LMAN1L: variants seen among roughly 807,000 people sequenced by gnomAD.
LMAN1L encodes protein ERGIC-53-like.
In LMAN1L, 60 loss-of-function variants were observed where a neutral mutation model predicts 58.3. The observed-to-expected ratio is 1.03, with a 90% CI of 0.84 to 1.27. The LOEUF is 1.27. Ranked by LOEUF, LMAN1L falls within the 50% of genes most tolerant of loss-of-function variation. The pLI is 0.00. For synonymous variants in LMAN1L, 280 were observed against 271.6 expected (o/e 1.03, Z -0.31); for missense variants, 629 against 674.0 (o/e 0.93, Z 0.74).
chr15:74,816,291 C>T lies in LMAN1L; in HGVS notation c.310C>T (p.Arg104Cys), dbSNP rs1400291704. ...EVQMRVTGLG[R>C]RGAQGMAVWY... ...GCAGATGAGGGTGACGGGACTGGGGCGCCGGGGAGCCCAGGGCATGGTGAG... is the reference window on the plus strand; with the variant it reads ...GCAGATGAGGGTGACGGGACTGGGGTGCCGGGGAGCCCAGGGCATGGTGAG... Residue 104 changes from arginine (R) to cysteine (C), a missense_variant, in exon 2 of 14, where the codon CGC (arginine) becomes TGC (cysteine). Physicochemically the swap from Arg to Cys is radical, Grantham distance 180 (BLOSUM62 -3). This residue lies in a region of LMAN1L where 573 missense variants were observed against 597.3 expected (regional missense o/e 0.96). Coordinates refer to ENST00000309664, the MANE Select transcript of LMAN1L (RefSeq NM_021819.3). 3 of 1,612,146 alleles carry T rather than the reference C, an allele frequency of 1.9e-6. No individual in the cohort carries two copies. The highest frequency in any genetic ancestry group is 1.7e-6 in the Non-Finnish European group (2 of 1,179,708).
Position 74,816,169 on chromosome 15 carries a change from G to C in LMAN1L, c.188G>C (p.Gly63Ala), listed in dbSNP as rs763983603. 9 of 1,550,420 alleles carry C rather than the reference G, an allele frequency of 5.8e-6. No individual in the cohort carries two copies. The highest frequency in any genetic ancestry group is 7.8e-6 in the Non-Finnish European group (9 of 1,147,780). ...CCCTTGTCCACAGACGCCATCCTGG[G>C]CCTGGAGGAAGTGCGGCTGACGCCA... ...FWSHHGDAILGLEEVRLTPSM... is the reference protein window; with the variant it reads ...FWSHHGDAILALEEVRLTPSM... Residue 63 changes from glycine to alanine, a missense_variant, in exon 2 of 14, where the codon GGC (glycine) becomes GCC (alanine). Physicochemically the swap from Gly to Ala is moderately conservative, Grantham distance 60 (BLOSUM62 0). This residue lies in a region of LMAN1L where 573 missense variants were observed against 597.3 expected (regional missense o/e 0.96). Transcript: ENST00000309664.
intron 8 of LMAN1L, 108 bp from the exon 9 acceptor site, chr15:74,820,967 C>A: frequency 7.3e-7 from 1 of 1,373,680 alleles, no homozygotes; most frequent in Non-Finnish European, 9.8e-7. Flanking sequence ...TTGGAGGCAG[C>A]AGCCACACCT....
intron 1 of LMAN1L, among the ~76,000 whole-genome samples, chr15:74,814,442 C>T (rs1596377425): frequency 7.0e-6 from 1 of 143,828 alleles, no homozygotes; most frequent in Non-Finnish European, 1.5e-5. Flanking sequence ...GGCGTGATCT[C>T]GGCTCACTGC....
At chr15:74,820,398 G>C (rs1242986613) in intron 7 of LMAN1L, 1 of 633,628 alleles carries the variant, frequency 1.6e-6, no homozygotes, top group Non-Finnish European at 2.8e-6. Context: ...GTCAAGGAAG[G>C]CTGCCTGGAG....
At chr15:74,825,257 T>C (rs2063936046) in intron 13 of LMAN1L, 1 of 502,864 alleles carries the variant, frequency 2.0e-6, no homozygotes. Context: ...TGCACAGGAG[T>C]GCAGTGGTGG....
At chr15:74,824,308 T>G in intron 12 of LMAN1L, 43 bp from the exon 13 acceptor site, 1 of 1,595,780 alleles carries the variant, frequency 6.3e-7, no homozygotes, top group Non-Finnish European at 8.6e-7. Flanking sequence ...CCACTCCTTC[T>G]GGGTAAGAAG....
rs2063906254 is a variant in LMAN1L at position 74,819,241 on chromosome 15, T to TG, written c.691dup (p.Val231GlyfsTer11). The TG allele has an allele frequency of 1.2e-6, 2 of 1,614,168 alleles. No individual in the cohort carries two copies. The highest frequency in any genetic ancestry group is 2.2e-5 in the East Asian group (1 of 44,882). On this transcript the variant is annotated frameshift_variant, in exon 6 of 14. Transcript: ENST00000309664. LOFTEE classifies it high-confidence loss of function. ...TGCTTTTGGTCCCTGGAGGTTTCTT[T>TG]GGGGTCTCAGCAGCCACCGGCACCC...
In LMAN1L at chr15:74,816,122, G is replaced by GA. The variant is rs775333784; in HGVS notation, c.176-35_176-34insA. The GA allele has an allele frequency of 2.0e-6, 3 of 1,535,880 alleles. No individual in the cohort carries two copies. The East Asian group carries it at 7.4e-5, about 38-fold the overall frequency. On this transcript the variant is annotated intron_variant, in intron 1 of 13. Transcript: ENST00000309664. ...AGAGTGAAGGGGGAGATGGGGTGTA[G>GA]TGGAGCCTGGGGCTTGAGCTGCCCT...
chr15:74,822,364 CAAAT>C (rs943758353), intron 10 of LMAN1L, among the ~76,000 whole-genome samples: 14 of 152,156 alleles, frequency 9.2e-5, no homozygotes, highest in African/African-American at 3.4e-4. Flanking sequence ...GACTCCATCT[CAAAT>C]AAATAAATAA....
rs1327264532 is a variant in LMAN1L, at chr15:74,825,600, GCCTGA to G, written c.1579_*2del. 1 of 1,610,268 alleles carries G rather than the reference GCCTGA, an allele frequency of 6.2e-7. No homozygotes were observed. The highest frequency in any genetic ancestry group is 1.7e-5 in the Admixed American group (1 of 59,960). On this transcript the variant is annotated frameshift_variant and stop_lost, in exon 14 of 14. Transcript: ENST00000309664. LOFTEE classifies it high-confidence loss of function. ...GCAGCCTCTCCCTGCCAGCATGCCT[GCCTGA>G]CCCACCTCAGAGCCTGCTTTGCATC...
intron 12 of LMAN1L, 128 bp downstream of exon 12, chr15:74,823,810 A>G: frequency 1.8e-6 from 2 of 1,087,956 alleles, no homozygotes; most frequent in South Asian, 1.5e-5. Context: ...ACTGCTGGCA[A>G]GCACATCTGT....
At chr15:74,814,886 C>T (rs2063883885) in intron 1 of LMAN1L, among the ~76,000 whole-genome samples, 1 of 152,160 alleles carries the variant, frequency 6.6e-6, no homozygotes, top group East Asian at 1.9e-4. Context: ...CAGGAGGTAA[C>T]AAAAAGGTGG....
At chr15:74,813,260 C>T in intron 1 of LMAN1L, 1 of 651,690 alleles carries the variant, frequency 1.5e-6, no homozygotes, top group Non-Finnish European at 2.8e-6. Flanking sequence ...TGCTTCCCTG[C>T]CCCAGGACTT....
chr15:74,823,118 G>A (rs181906856), intron 11 of LMAN1L, among the ~76,000 whole-genome samples: 3 of 152,246 alleles, frequency 2.0e-5, no homozygotes, highest in Admixed American at 6.5e-5. Flanking sequence ...TTAACTTCCC[G>A]GTATCCCACT....
chr15:74,815,260 C>A (rs1483030422), intron 1 of LMAN1L, among the ~76,000 whole-genome samples: 1 of 152,166 alleles, frequency 6.6e-6, no homozygotes, highest in East Asian at 1.9e-4. Flanking sequence ...AGCCTCCCTA[C>A]CCCCATCCCT....
chr15:74,821,653 C>T (rs1234174870), intron 9 of LMAN1L, among the ~76,000 whole-genome samples, 176 bp from the exon 10 acceptor site: 2 of 152,218 alleles, frequency 1.3e-5, no homozygotes, highest in Admixed American at 6.5e-5. Flanking sequence ...GAGCTAAACT[C>T]AGCCAAGGTG....
intron 13 of LMAN1L, chr15:74,825,260 A>G (rs1019371965): frequency 9.7e-6 from 5 of 514,724 alleles, no homozygotes; most frequent in African/African-American, 1.9e-5. Context: ...ACAGGAGTGC[A>G]GTGGTGGCAA....
At chr15:74,824,080 TCTTTA>T (rs2063929988) in intron 12 of LMAN1L, 2 of 526,950 alleles carry the variant, frequency 3.8e-6, no homozygotes, top group Non-Finnish European at 6.7e-6. Context: ...TGTCTTTGGC[TCTTTA>T]CTTCTCTCTT....
At chr15:74,814,259 T>A (rs996663137) in intron 1 of LMAN1L, among the ~76,000 whole-genome samples, 5 of 151,040 alleles carry the variant, frequency 3.3e-5, no homozygotes, top group African/African-American at 1.2e-4. Context: ...AGTGGTGTGA[T>A]CTTGGCTCAC....
Sources: gnomAD v4.1 joint callset for allele counts (sites outside exome capture counted in the v4.1 genomes callset) on GRCh38, gnomAD v4.1.1 for gene constraint, gnomAD v4.1.1 regional missense constraint, MANE v1.5 for transcripts, NCBI Gene and HGNC (gene_info 2026-07-23, HGNC 2026-07-21) for gene names.